KLHL7: variants seen among roughly 807,000 people sequenced by gnomAD.
KLHL7 encodes the protein kelch like family member 7.
KLHL7 carries 44 observed loss-of-function variants against 67.4 expected under a neutral mutation model. The observed-to-expected ratio is 0.65, with a 90% confidence interval of 0.51 to 0.84. The LOEUF (loss-of-function observed/expected upper bound fraction) is 0.84, where lower values mean the gene tolerates loss of function less well. Among genes scored for constraint, KLHL7 ranks in the 40% least tolerant of loss-of-function variants. The pLI is 0.00. For missense variants in KLHL7, 362 were observed against 718.1 expected, an observed-to-expected ratio of 0.50 and a Z score of 5.67; for synonymous variants, 252 against 243.3, an observed-to-expected ratio of 1.04 and a Z score of -0.33.
Position 23,172,990 on chromosome 7 carries a change from T to C in KLHL7, c.1422T>C (p.His474=). 6.2e-7 allele frequency: 1 copy of C among 1,613,920 alleles called. No homozygotes were observed. The highest frequency in any genetic ancestry group is 8.5e-7 in the Non-Finnish European group (1 of 1,179,870). The part of the protein sequence containing the change: ...LCPMIEARKN[H]GLVFVKDKIF... ...CAATGATTGAAGCCAGGAAGAATCATGGGCTGGTATTTGTAAAAGACAAGA... is the reference window on the plus strand; with the variant it reads ...CAATGATTGAAGCCAGGAAGAATCACGGGCTGGTATTTGTAAAAGACAAGA... The change falls in exon 10 of 11, where the codon CAT becomes CAC. Residue 474 remains histidine (H), a synonymous_variant. Transcript: ENST00000339077.
At chr7:23,166,582 G>A (rs980416661) in intron 8 of KLHL7, among the ~76,000 whole-genome samples, 2 of 152,042 alleles carry the variant, frequency 1.3e-5, no homozygotes, top group Non-Finnish European at 2.9e-5. Flanking sequence ...TAAATAATGG[G>A]CTAATAAAGA....
intron 4 of KLHL7, among the ~76,000 whole-genome samples, chr7:23,134,267 G>A (rs1038940287): frequency 1.1e-4 from 16 of 152,064 alleles, no homozygotes; most frequent in African/African-American, 3.6e-4. Flanking sequence ...ATTCGTGTAC[G>A]TTGAACCATC....
intron 4 of KLHL7, among the ~76,000 whole-genome samples, chr7:23,135,602 G>A (rs1177292844): frequency 6.6e-6 from 1 of 152,172 alleles, no homozygotes; most frequent in Non-Finnish European, 1.5e-5. Flanking sequence ...TGCTAAACAT[G>A]TATTATCACT....
chr7:23,161,673 TA>T (rs1784857807), intron 7 of KLHL7, among the ~76,000 whole-genome samples: 1 of 152,170 alleles, frequency 6.6e-6, no homozygotes. Context: ...CCAGGAGCCA[TA>T]ATGATAAGAT....
At position 23,168,883 on chromosome 7, in the gene KLHL7, G is replaced by A. The variant is rs570362705; in HGVS notation, c.1379+846G>A. 3.3e-5 allele frequency among the ~76,000 whole-genome samples: 5 copies of A among 152,270 alleles called. No homozygotes were observed. The South Asian group carries it at 8.3e-4, about 25-fold the overall frequency. ...ATGCCAGAGTTGCATCAAAACTCTC[G>A]TGCTTAAAGTTTTATATTTAGGAAA... On this transcript the variant is annotated intron_variant, in intron 9 of 10. Transcript: ENST00000339077.
At chr7:23,151,404 G>A (rs1784532038) in intron 6 of KLHL7, among the ~76,000 whole-genome samples, 1 of 152,160 alleles carries the variant, frequency 6.6e-6, no homozygotes, top group South Asian at 2.1e-4. Flanking sequence ...GATCATGACA[G>A]ATCACAGTAG....
intron 4 of KLHL7, chr7:23,129,157 G>A (rs1355683624): frequency 5.7e-6 from 1 of 174,194 alleles, no homozygotes; most frequent in Non-Finnish European, 1.2e-5. Flanking sequence ...GGCACAGCCT[G>A]GGCCTCTGTC....
chr7:23,166,023 ATTAT>A (rs1490740381), intron 8 of KLHL7, 85 bp downstream of exon 8: 11 of 1,408,618 alleles, frequency 7.8e-6, no homozygotes, highest in Admixed American at 1.7e-5. Context: ...AACAGCTGGT[ATTAT>A]TTGTCCAGAT....
At chr7:23,155,385 A>G (rs553364777) in intron 7 of KLHL7, among the ~76,000 whole-genome samples, 1 of 152,306 alleles carries the variant, frequency 6.6e-6, no homozygotes, top group East Asian at 1.9e-4. Context: ...ATTCTAGGCC[A>G]GGCACGGTGG....
rs1784576989 is a variant in KLHL7, at chr7:23,152,719, A to AC, written c.936+512dup. On this transcript the variant is annotated intron_variant, in intron 7 of 10. Transcript: ENST00000339077. The stretch of plus-strand genomic sequence containing the variant: ...GAACTTTTCATTACATATCATGCCG[A>AC]CCAACTGGGTCAGGAGAGCTTGAGT... 2.6e-5 allele frequency among the ~76,000 whole-genome samples: 4 copies of AC among 152,304 alleles called. No homozygotes were observed. In the South Asian group the frequency reaches 8.3e-4, roughly 32 times the overall value.
At chr7:23,135,948 G>A (rs1056839709) in intron 4 of KLHL7, among the ~76,000 whole-genome samples, 4 of 152,200 alleles carry the variant, frequency 2.6e-5, no homozygotes, top group African/African-American at 9.7e-5. Flanking sequence ...ATCTGTGGCC[G>A]TGTGACTTGC....
chr7:23,155,436 G>A (rs1469598020), intron 7 of KLHL7, among the ~76,000 whole-genome samples: 4 of 152,172 alleles, frequency 2.6e-5, no homozygotes, highest in Admixed American at 6.5e-5. Flanking sequence ...CCCAAGGTGG[G>A]TGGATCACCT....
At chr7:23,128,540 T>C (rs1434627147) in intron 4 of KLHL7, among the ~76,000 whole-genome samples, 3 of 151,960 alleles carry the variant, frequency 2.0e-5, no homozygotes, top group Non-Finnish European at 4.4e-5. Flanking sequence ...TCTAGTGATA[T>C]TTTTCACCTT....
chr7:23,126,174 A>G (rs1477329003), intron 4 of KLHL7: 2 of 383,154 alleles, frequency 5.2e-6, no homozygotes, highest in African/African-American at 4.1e-5. Flanking sequence ...AGTGACAGGC[A>G]GGTAGGTTAT....
intron 10 of KLHL7, among the ~76,000 whole-genome samples, chr7:23,173,293 A>G (rs936492352): frequency 6.6e-6 from 1 of 152,216 alleles, no homozygotes; most frequent in Non-Finnish European, 1.5e-5. Context: ...ACATTCCCAG[A>G]TACCTCCTGG....
At chr7:23,161,977 G>A (rs1784866356) in intron 7 of KLHL7, among the ~76,000 whole-genome samples, 2 of 152,208 alleles carry the variant, frequency 1.3e-5, no homozygotes, top group African/African-American at 4.8e-5. Flanking sequence ...AAGATACGGA[G>A]ATTGTGCAGG....
In KLHL7 at chr7:23,140,767, A is replaced by G; in HGVS notation, c.443-2A>G. The G allele has an allele frequency of 6.2e-7, 1 of 1,612,438 alleles. No homozygotes were observed. Among genetic ancestry groups the G allele is most frequent in the African/African-American group, 1.3e-5 (1 of 75,008 alleles). The stretch of plus-strand genomic sequence containing the variant: ...ATTCTTTTATTTTCTTTCTGTGTTT[A>G]GGTATAAGTGTGCTAGCGGAGTGTC... On this transcript the variant is annotated splice_acceptor_variant, in intron 4 of 10. Coordinates refer to ENST00000339077, the MANE Select transcript of KLHL7 (RefSeq NM_001031710.3). LOFTEE classifies it high-confidence loss of function.
intron 1 of KLHL7, among the ~76,000 whole-genome samples, chr7:23,116,731 T>C (rs192859127): frequency 5.6e-4 from 85 of 152,306 alleles, no homozygotes; most frequent in African/African-American, 2.0e-3. Flanking sequence ...GTAATTCTAA[T>C]TGTGGGGATG....
At chr7:23,168,727 C>T (rs858308) in intron 9 of KLHL7, among the ~76,000 whole-genome samples, 9,606 of 152,090 alleles carry the variant, frequency 0.063, 467 homozygotes, top group African/African-American at 0.13. Flanking sequence ...CAGATGATAC[C>T]CTAGTCGTAC....
Sources: gnomAD v4.1 joint callset for allele counts (sites outside exome capture counted in the v4.1 genomes callset) on GRCh38, gnomAD v4.1.1 for gene constraint, MANE v1.5 for transcripts, NCBI Gene and HGNC (gene_info 2026-07-23, HGNC 2026-07-21) for gene names.